PPP1R18: variants seen among roughly 807,000 people sequenced by gnomAD.
PPP1R18 encodes the protein phostensin.
In PPP1R18, 31 loss-of-function variants were observed where a neutral mutation model predicts 54.8. That is an observed-to-expected ratio of 0.57 (90% CI 0.43 to 0.76). The LOEUF (loss-of-function observed/expected upper bound fraction) is 0.76, where lower values mean the gene tolerates loss of function less well. Ranked by LOEUF, PPP1R18 falls within the 30% of genes least tolerant of loss-of-function variation. The probability of loss-of-function intolerance (pLI) is 0.00; values close to 1 mark genes in which losing one functional copy is unlikely to be tolerated. For missense variants in PPP1R18, 685 were observed against 776.1 expected, an observed-to-expected ratio of 0.88 and a Z score of 1.39; for synonymous variants, 310 against 320.2, an observed-to-expected ratio of 0.97 and a Z score of 0.34.
At chr6:30,682,179 C>A (rs1770584587) in intron 1 of PPP1R18, among the ~76,000 whole-genome samples, 1 of 152,100 alleles carries the variant, frequency 6.6e-6, no homozygotes, top group Non-Finnish European at 1.5e-5. Flanking sequence ...CTCCTCACCC[C>A]CCACCAACTT....
In PPP1R18 at chr6:30,685,223, C is replaced by G; in HGVS notation, c.796G>C (p.Gly266Arg). Residue 266 changes from glycine to arginine, a missense_variant, in exon 1 of 3, where the codon GGA becomes CGA. Gly to Arg is a moderately radical substitution (Grantham distance 125). Transcript: ENST00000274853. The surrounding 1 kb of genome is among the most constrained non-coding windows in gnomAD (Gnocchi z 5.0). ...LEATEWRLRS[G>R]EERQDYSEEC... is the part of the protein sequence containing the mutation. Reference sequence around the variant, plus strand: ...TCCGAGTAGTCTTGTCTTTCTTCTCCTGACCTCAGCCTCCACTCTGTTGCC... The same window carrying G: ...TCCGAGTAGTCTTGTCTTTCTTCTCGTGACCTCAGCCTCCACTCTGTTGCC... The G allele has an allele frequency of 6.2e-7, 1 of 1,613,078 alleles. No individual in the cohort carries two copies. The highest frequency in any genetic ancestry group is 8.5e-7 in the Non-Finnish European group (1 of 1,180,042).
Position 30,686,204 on chromosome 6 carries a change from A to C in PPP1R18, c.-186T>G. On this transcript the variant is annotated 5_prime_UTR_variant, in exon 1 of 3. Transcript: ENST00000274853. ...CAGAGGGAAAGACGGAAGGCAGAGA[A>C]CTGGGGAAATGGAAAAAGTGAAGAG... The C allele has an allele frequency of 1.8e-6, 1 of 567,146 alleles. No homozygotes were observed. Among genetic ancestry groups the C allele is most frequent in the Admixed American group, 3.5e-5 (1 of 28,468 alleles). 35.1% of individuals were successfully genotyped at this position (567,146 alleles called of 1,614,324 possible). A position where few individuals can be genotyped will look rare whatever the true frequency, so the allele number is the denominator to read the frequency against.
chr6:30,684,619 C>A lies in PPP1R18; in HGVS notation c.1400G>T (p.Arg467Leu), dbSNP rs772622707. 36 of 1,553,596 alleles carry A rather than the reference C, an allele frequency of 2.3e-5. No homozygotes were observed. The East Asian group carries it at 3.7e-4, about 16-fold the overall frequency. ...KAGPGVGAPR[R>L]SGHTFTVNPR... ...GTTGACGGTGAAGGTGTGTCCACTG[C>A]GGCGGGGGGCCCCCACCCCTGGCCC... Residue 467 changes from arginine (R) to leucine (L), a missense_variant, in exon 1 of 3, where the codon CGC becomes CTC. Transcript: ENST00000274853. The surrounding 1 kb of genome is among the most constrained non-coding windows in gnomAD (Gnocchi z 6.0).
intron 2 of PPP1R18, 58 bp downstream of exon 2, chr6:30,679,121 C>T: frequency 6.7e-7 from 1 of 1,490,130 alleles, no homozygotes; most frequent in Non-Finnish European, 9.2e-7. Context: ...CTCTCCTGGA[C>T]CACAGCGCCC....
In PPP1R18 at chr6:30,683,395, C is replaced by A. The variant is rs1315204573; in HGVS notation, c.1611+1013G>T. On this transcript the variant is annotated intron_variant, in intron 1 of 2. Coordinates refer to ENST00000274853, the MANE Select transcript of PPP1R18 (RefSeq NM_133471.4). This position sits in a 1 kb window ranked among gnomAD's most constrained non-coding sequence, Gnocchi z 5.1. Reference sequence around the variant, plus strand: ...CATCCTGGCTGCCCCCACTTTCCTGCAGGTCTTTGTTGCAAGTCTAACCTC... The same window carrying A: ...CATCCTGGCTGCCCCCACTTTCCTGAAGGTCTTTGTTGCAAGTCTAACCTC... Among the ~76,000 whole-genome samples the A allele has an allele frequency of 2.6e-5, 4 of 152,224 alleles. No individual in the cohort carries two copies. The highest frequency in any genetic ancestry group is 4.8e-5 in the African/African-American group (2 of 41,450).
At position 30,683,875 on chromosome 6, in the gene PPP1R18, G is replaced by T. The variant is rs552693295; in HGVS notation, c.1611+533C>A. Among the ~76,000 whole-genome samples, 7 of 152,076 alleles carry T rather than the reference G, an allele frequency of 4.6e-5. No individual in the cohort carries two copies. The highest frequency in any genetic ancestry group is 1.7e-4 in the African/African-American group (7 of 41,478). ...TCCTAGGATGTCCCTATTCAGCTCT[G>T]CCCTCCTTCCCACGGGGCAGTTGGA... On this transcript the variant is annotated intron_variant, in intron 1 of 2. Coordinates refer to ENST00000274853, the MANE Select transcript of PPP1R18 (RefSeq NM_133471.4). This position sits in a 1 kb window ranked among gnomAD's most constrained non-coding sequence, Gnocchi z 5.1.
chr6:30,678,580 G>A (rs921622396), intron 2 of PPP1R18, among the ~76,000 whole-genome samples: 6 of 151,614 alleles, frequency 4.0e-5, no homozygotes, highest in Non-Finnish European at 7.4e-5. Flanking sequence ...GGGTTTCACC[G>A]TGTTAGCCAG....
At chr6:30,677,397 T>C in intron 2 of PPP1R18, 109 bp from the exon 3 acceptor site, 2 of 879,600 alleles carry the variant, frequency 2.3e-6, no homozygotes. Context: ...GGAAGTCCTA[T>C]AATATCTTCC....
At position 30,679,342 on chromosome 6, in the gene PPP1R18, G is replaced by T; in HGVS notation, c.1659C>A (p.Tyr553Ter). ...CCTCCAGTACCGAACTCTCGGAGGG[G>T]TATTGGTACGTGGTCTCCAGGGCTG... ...SETALETTYQ[Y>*]PSESSVLEEL... is the part of the protein sequence containing the mutation. The change falls in exon 2 of 3, where the codon TAC becomes TAA. Residue 553 changes from tyrosine to a stop codon, truncating the protein, a stop_gained. Coordinates refer to ENST00000274853, the MANE Select transcript of PPP1R18 (RefSeq NM_133471.4). LOFTEE classifies it high-confidence loss of function. 1 of 1,568,618 alleles carries T rather than the reference G, an allele frequency of 6.4e-7. No individual in the cohort carries two copies.
In PPP1R18 at chr6:30,685,716, TTGC is replaced by T. The variant is rs57615862; in HGVS notation, c.300_302del (p.Gln103del). On this transcript the variant is annotated inframe_deletion, in exon 1 of 3. Transcript: ENST00000274853. The surrounding 1 kb of genome is among the most constrained non-coding windows in gnomAD (Gnocchi z 5.0). ...CTAGCAGCTCTTCACTCCGTTGTTG[TTGC>T]TGCTGCTGCTGCTGCCGCTCCTGCC... is the stretch of plus-strand genomic sequence containing the variant. The T allele has an allele frequency of 2.9e-5, 47 of 1,611,202 alleles. No homozygotes were observed. Among genetic ancestry groups the T allele is most frequent in the Non-Finnish European group, 2.6e-5 (31 of 1,178,870 alleles).
intron 1 of PPP1R18, among the ~76,000 whole-genome samples, chr6:30,681,361 A>T (rs1232492674): frequency 6.7e-6 from 1 of 150,044 alleles, no homozygotes; most frequent in Non-Finnish European, 1.5e-5. Flanking sequence ...CACTCCCCCT[A>T]CCTCCTGACC....
chr6:30,678,985 G>A (rs1251960443), intron 2 of PPP1R18, among the ~76,000 whole-genome samples, 194 bp downstream of exon 2: 1 of 152,172 alleles, frequency 6.6e-6, no homozygotes, highest in Admixed American at 6.5e-5. Context: ...TTCTCGTTTT[G>A]AAACCTGAAG....
Position 30,684,390 on chromosome 6 carries a change from G to A in PPP1R18, c.1611+18C>T, listed in dbSNP as rs774418776. On this transcript the variant is annotated intron_variant, in intron 1 of 2. Transcript: ENST00000274853. The surrounding 1 kb of genome is among the most constrained non-coding windows in gnomAD (Gnocchi z 6.0). ...GACAAGTGGACTTCTAAGAAGTCTG[G>A]CTTGGCTGCTTCCCTACCTGTTTGT... 2.0e-6 allele frequency: 3 copies of A among 1,525,182 alleles called. No individual in the cohort carries two copies. Among genetic ancestry groups the A allele is most frequent in the Non-Finnish European group, 1.8e-6 (2 of 1,134,766 alleles). The allele number at this position is 1,525,182 out of a possible 1,614,324, so 94.5% of individuals were successfully genotyped here.
At chr6:30,678,093 T>A (rs1562017031) in intron 2 of PPP1R18, among the ~76,000 whole-genome samples, 1 of 152,020 alleles carries the variant, frequency 6.6e-6, no homozygotes, top group South Asian at 2.1e-4. Context: ...GTATTTTTAG[T>A]AGAGATGGGT....
At chr6:30,679,096 G>A in intron 2 of PPP1R18, 83 bp downstream of exon 2, 4 of 1,221,668 alleles carry the variant, frequency 3.3e-6, no homozygotes, top group Non-Finnish European at 4.6e-6. Flanking sequence ...GTGCCTACAT[G>A]TAATCCTCCC....
In PPP1R18 at chr6:30,685,655, G is replaced by T; in HGVS notation, c.364C>A (p.Arg122=). ...RKPGPLEARE[R]RPSPGEMRDQ... Reference sequence around the variant, plus strand: ...CGCATCTCCCCAGGGCTGGGTCTCCGCTCCCGGGCCTCCAGAGGCCCAGGC... The same window carrying T: ...CGCATCTCCCCAGGGCTGGGTCTCCTCTCCCGGGCCTCCAGAGGCCCAGGC... The change falls in exon 1 of 3, where the codon CGG becomes AGG. Residue 122 remains arginine (R), a synonymous_variant. Transcript: ENST00000274853. This position sits in a 1 kb window ranked among gnomAD's most constrained non-coding sequence, Gnocchi z 5.0. The T allele has an allele frequency of 1.9e-6, 3 of 1,612,846 alleles. No individual in the cohort carries two copies.
chr6:30,685,401 T>C lies in PPP1R18; in HGVS notation c.618A>G (p.Leu206=). The C allele has an allele frequency of 6.2e-7, 1 of 1,613,076 alleles. No individual in the cohort carries two copies. The highest frequency in any genetic ancestry group is 8.5e-7 in the Non-Finnish European group (1 of 1,180,010). The change falls in exon 1 of 3, where the codon CTA becomes CTG. Residue 206 remains leucine (L), a synonymous_variant. Coordinates refer to ENST00000274853, the MANE Select transcript of PPP1R18 (RefSeq NM_133471.4). This position sits in a 1 kb window ranked among gnomAD's most constrained non-coding sequence, Gnocchi z 5.0. ...PGETPERSLR[L]AESREQSPRR... is the part of the protein sequence containing the mutation. Reference sequence around the variant, plus strand: ...TGGGGCTTTGCTCTCGAGACTCTGCTAGTCTCAGACTCCGCTCTGGAGTTT... The same window carrying C: ...TGGGGCTTTGCTCTCGAGACTCTGCCAGTCTCAGACTCCGCTCTGGAGTTT...
intron 1 of PPP1R18, among the ~76,000 whole-genome samples, chr6:30,682,019 G>A (rs1770579489): frequency 6.6e-6 from 1 of 152,150 alleles, no homozygotes. Context: ...GTAACTGACA[G>A]ATTTACCCAC....
Position 30,685,092 on chromosome 6 carries a change from T to C in PPP1R18, c.927A>G (p.Ala309=), listed in dbSNP as rs1003968291. ...GCCTCTGCTCTGCTGCCTCCACTCC[T>C]GCGGAACTGTTGCCTTGGGCCTCCC... ...LTREAQGNSS[A]GVEAAEQRPV... The change falls in exon 1 of 3, where the codon GCA becomes GCG. Residue 309 remains alanine (A), a synonymous_variant. Coordinates refer to ENST00000274853, the MANE Select transcript of PPP1R18 (RefSeq NM_133471.4). The surrounding 1 kb of genome is among the most constrained non-coding windows in gnomAD (Gnocchi z 5.0). The C allele has an allele frequency of 1.4e-5, 23 of 1,613,248 alleles. No homozygotes were observed. The highest frequency in any genetic ancestry group is 2.7e-5 in the African/African-American group (2 of 75,066).
Sources: gnomAD v4.1 joint callset for allele counts (sites outside exome capture counted in the v4.1 genomes callset) on GRCh38, gnomAD v4.1.1 for gene constraint, Gnocchi (gnomAD v3.1) non-coding constraint, MANE v1.5 for transcripts, NCBI Gene and HGNC (gene_info 2026-07-23, HGNC 2026-07-21) for gene names.